Variants in ANKRD31 observed in about 807,000 individuals in gnomAD.
ANKRD31 encodes the protein ankyrin repeat domain 31, also known as ankyrin repeat domain-containing protein 31.
A neutral mutation model predicts 186.0 loss-of-function variants in ANKRD31; 147 were observed. That is an observed-to-expected ratio of 0.79 (90% CI 0.69 to 0.91). ANKRD31 has a LOEUF of 0.91. Among genes scored for constraint, ANKRD31 ranks in the 40% least tolerant of loss-of-function variants. ANKRD31 has a pLI of 0.00. For missense variants in ANKRD31, 1,986 were observed against 2,148.8 expected (o/e 0.92, Z 1.50); for synonymous variants, 673 against 736.4 (o/e 0.91, Z 1.39).
In ANKRD31 at chr5:75,146,127, A is replaced by G; in HGVS notation, c.3284T>C (p.Val1095Ala). 1 of 1,535,732 alleles carries G rather than the reference A, an allele frequency of 6.5e-7. No homozygotes were observed. Among genetic ancestry groups the G allele is most frequent in the Non-Finnish European group, 8.7e-7 (1 of 1,146,182 alleles). Residue 1095 changes from valine to alanine, a missense_variant, in exon 14 of 26, where the codon GTT becomes GCT. By Grantham distance (64) the Val-to-Ala change is moderately conservative. Transcript: ENST00000506364. ...TAGATGGTTTTGTCTCCTTTTTTCA[A>G]CTTTAGTTGTTTCTATTACTTGAGA... is the stretch of plus-strand genomic sequence containing the variant. ...AHSQVIETTKVEKRRQNHLES... is the reference protein window; with the variant it reads ...AHSQVIETTKAEKRRQNHLES...
intron 17 of ANKRD31, among the ~76,000 whole-genome samples, chr5:75,126,796 T>C (rs1749293082): frequency 6.6e-6 from 1 of 152,098 alleles, no homozygotes; most frequent in African/African-American, 2.4e-5. Context: ...AATCCCCAAA[T>C]AGAGACAAGT....
At chr5:75,133,928 C>A (rs7314125) in intron 17 of ANKRD31, among the ~76,000 whole-genome samples, 1 of 151,898 alleles carries the variant, frequency 6.6e-6, no homozygotes, top group Admixed American at 6.6e-5. Context: ...GGGTACATAA[C>A]GAAATGAAGG....
intron 11 of ANKRD31, among the ~76,000 whole-genome samples, chr5:75,163,757 A>G (rs974123203): frequency 3.3e-5 from 5 of 152,294 alleles, no homozygotes; most frequent in African/African-American, 1.2e-4. Flanking sequence ...AGTATGATCA[A>G]AGGTGAAAAG....
chr5:75,199,708 T>C, intron 5 of ANKRD31, 34 bp from the exon 6 acceptor site: 2 of 1,516,636 alleles, frequency 1.3e-6, no homozygotes, highest in African/African-American at 1.4e-5. Context: ...ATTCCAGTTT[T>C]ATGGAAGCAC....
At chr5:75,160,780 C>T (rs976936587) in intron 11 of ANKRD31, among the ~76,000 whole-genome samples, 8 of 152,030 alleles carry the variant, frequency 5.3e-5, no homozygotes, top group Non-Finnish European at 1.0e-4. Context: ...ATCATGGGGG[C>T]GGTTTCTCTA....
chr5:75,084,018 G>C (rs1446615410), intron 24 of ANKRD31, among the ~76,000 whole-genome samples: 1 of 152,174 alleles, frequency 6.6e-6, no homozygotes, highest in Non-Finnish European at 1.5e-5. Context: ...AGCAGAGAAT[G>C]GGAAACAACA....
chr5:75,097,009 A>T (rs1313220212), intron 22 of ANKRD31, among the ~76,000 whole-genome samples: 3 of 152,200 alleles, frequency 2.0e-5, no homozygotes, highest in African/African-American at 7.2e-5. Flanking sequence ...TTATGGCTGC[A>T]TAGTATTCCA....
At chr5:75,222,149 C>A in intron 3 of ANKRD31, 100 bp downstream of exon 3, 7 of 849,880 alleles carry the variant, frequency 8.2e-6, no homozygotes, top group South Asian at 4.8e-5. Flanking sequence ...AGGAAAGAAG[C>A]AAAATATAGA....
intron 10 of ANKRD31, among the ~76,000 whole-genome samples, chr5:75,172,649 A>G (rs1249266605): frequency 6.6e-6 from 1 of 152,238 alleles, no homozygotes; most frequent in Middle Eastern, 3.2e-3. Context: ...AGAAATGTAT[A>G]AATTCCTCGA....
rs567908383 is a variant in ANKRD31, at chr5:75,209,917, C to T, written c.326+911G>A. ...TGACTACTAATATTCTTTGGTGCCA[C>T]TGCCTTGGTTCCTGTTAAGACTCCA... On this transcript the variant is annotated intron_variant, in intron 4 of 25. Coordinates refer to ENST00000506364, the MANE Select transcript of ANKRD31 (RefSeq NM_001372053.1). 3.3e-5 allele frequency among the ~76,000 whole-genome samples: 5 copies of T among 152,330 alleles called. No homozygotes were observed. The East Asian group carries it at 9.6e-4, about 29-fold the overall frequency.
Position 75,236,803 on chromosome 5 carries a change from G to A in ANKRD31, c.-117C>T. The A allele has an allele frequency of 1.2e-6, 1 of 867,422 alleles. No homozygotes were observed. The highest frequency in any genetic ancestry group is 1.7e-6 in the Non-Finnish European group (1 of 586,736). 53.7% of individuals were successfully genotyped at this position (867,422 alleles called of 1,614,324 possible). A position where few individuals can be genotyped will look rare whatever the true frequency, so the allele number is the denominator to read the frequency against. On this transcript the variant is annotated 5_prime_UTR_variant, in exon 1 of 26. Coordinates refer to ENST00000506364, the MANE Select transcript of ANKRD31 (RefSeq NM_001372053.1). ...AATTAAAAATAAAAATAATATAATC[G>A]CAGCAGGAGCCGGGACTTGTCGCAG...
At chr5:75,068,996 C>T (rs1743990238) in intron 25 of ANKRD31, among the ~76,000 whole-genome samples, 2 of 152,164 alleles carry the variant, frequency 1.3e-5, no homozygotes, top group African/African-American at 2.4e-5. Context: ...TGAGATTTTG[C>T]ATGTGAAATT....
At chr5:75,219,730 T>C (rs1410516651) in intron 3 of ANKRD31, among the ~76,000 whole-genome samples, 9 of 152,190 alleles carry the variant, frequency 5.9e-5, no homozygotes, top group African/African-American at 2.2e-4. Flanking sequence ...TCACATTGCC[T>C]GTCTTCAAAC....
In ANKRD31 at chr5:75,146,682, T is replaced by C. The variant is rs1334579205; in HGVS notation, c.2729A>G (p.Glu910Gly). The change falls in exon 14 of 26, where the codon GAG (glutamate) becomes GGG (glycine). Residue 910 changes from glutamate to glycine, a missense_variant. Physicochemically the swap from Glu to Gly is moderately conservative, Grantham distance 98 (BLOSUM62 -2). Coordinates refer to ENST00000506364, the MANE Select transcript of ANKRD31 (RefSeq NM_001372053.1). ...NDDDDDCSTS[E>G]KAITSKKVLC... ...CACCTTTTTAGATGTTATAGCCTTC[T>C]CAGAGGTAGAGCAATCATCATCATC... The C allele has an allele frequency of 2.6e-6, 4 of 1,536,204 alleles. No homozygotes were observed. The Admixed American group carries it at 7.9e-5, about 30-fold the overall frequency.
intron 25 of ANKRD31, among the ~76,000 whole-genome samples, chr5:75,074,628 C>T (rs1362470696): frequency 6.7e-6 from 1 of 149,592 alleles, no homozygotes; most frequent in African/African-American, 2.4e-5. Context: ...TGTAAGAATA[C>T]AGTACCTGGT....
chr5:75,121,159 C>A (rs531913944), intron 17 of ANKRD31, among the ~76,000 whole-genome samples: 2 of 148,240 alleles, frequency 1.3e-5, no homozygotes, highest in East Asian at 4.0e-4. Flanking sequence ...CTCCAGCCTG[C>A]TGACAGAGTG....
intron 25 of ANKRD31, among the ~76,000 whole-genome samples, chr5:75,069,820 T>G (rs1744074303): frequency 6.6e-6 from 1 of 152,152 alleles, no homozygotes; most frequent in Admixed American, 6.5e-5. Flanking sequence ...TGCAATGAGA[T>G]TTTTATTGGG....
In ANKRD31 at chr5:75,104,542, T is replaced by G; in HGVS notation, c.5017A>C (p.Lys1673Gln). ...CDQDLSNYDP[K>Q]RGNRKTSSQQ... ...GAACTTGTTTTTCTGTTTCCTCTTT[T>G]GGGATCATAATTGGAAAGGTCCTGA... Residue 1673 changes from lysine (K) to glutamine (Q), a missense_variant, in exon 22 of 26, where the codon AAA (lysine) becomes CAA (glutamine). Physicochemically the swap from Lys to Gln is moderately conservative, Grantham distance 53. Coordinates refer to ENST00000506364, the MANE Select transcript of ANKRD31 (RefSeq NM_001372053.1). 2.6e-6 allele frequency: 4 copies of G among 1,536,976 alleles called. No individual in the cohort carries two copies. The highest frequency in any genetic ancestry group is 3.5e-6 in the Non-Finnish European group (4 of 1,146,820).
chr5:75,208,857 A>C (rs1334138633), intron 4 of ANKRD31, among the ~76,000 whole-genome samples: 1 of 152,198 alleles, frequency 6.6e-6, no homozygotes, highest in South Asian at 2.1e-4. Context: ...CCTATGAAGA[A>C]TGGTATATAA....
Sources: allele counts gnomAD v4.1 joint callset (sites outside exome capture counted in the v4.1 genomes callset), GRCh38; gene constraint gnomAD v4.1.1; transcripts MANE v1.5; gene names NCBI Gene and HGNC (gene_info 2026-07-23, HGNC 2026-07-21).